Variants in HYKK observed in about 807,000 individuals in gnomAD.
The protein encoded by HYKK is hydroxylysine kinase, also known as 5-hydroxy-L-lysine kinase.
HYKK carries 19 observed loss-of-function variants against 29.7 expected under a neutral mutation model. The ratio of observed to expected loss-of-function variants is 0.64; its 90% CI spans 0.45 to 0.94. The LOEUF is 0.94. Among genes scored for constraint, HYKK ranks in the 40% least tolerant of loss-of-function variants. The pLI, the probability that HYKK is intolerant of heterozygous loss-of-function variation, is 0.00. For missense variants in HYKK, 390 were observed against 443.4 expected, an observed-to-expected ratio of 0.88 and a Z score of 1.08; for synonymous variants, 152 against 158.1, an observed-to-expected ratio of 0.96 and a Z score of 0.29.
At chr15:78,521,778 A>G (rs989597136) in intron 3 of HYKK, among the ~76,000 whole-genome samples, 2 of 152,138 alleles carry the variant, frequency 1.3e-5, no homozygotes, top group African/African-American at 4.8e-5. Context: ...CTGGGATATT[A>G]AGTGGTAGAG....
chr15:78,524,904 T>C (rs2141361174), intron 3 of HYKK, among the ~76,000 whole-genome samples: 1 of 152,146 alleles, frequency 6.6e-6, no homozygotes, highest in South Asian at 2.1e-4. Flanking sequence ...GCTAAACCAT[T>C]CATAAGAAAC....
chr15:78,516,343 C>CTTTTT (rs575124681), intron 3 of HYKK, among the ~76,000 whole-genome samples: 2 of 115,950 alleles, frequency 1.7e-5, no homozygotes, highest in African/African-American at 3.2e-5. Flanking sequence ...AAGGGTTGGT[C>CTTTTT]TTTTTTTTTT....
intron 3 of HYKK, chr15:78,518,698 A>T: frequency 9.7e-6 from 4 of 411,980 alleles, no homozygotes; most frequent in South Asian, 6.7e-5. Flanking sequence ...CAGGTGGATC[A>T]CCTGAAGTCA....
intron 3 of HYKK, 106 bp from the exon 4 acceptor site, chr15:78,527,272 TAA>T: frequency 1.1e-6 from 1 of 883,548 alleles, no homozygotes; most frequent in South Asian, 1.7e-5. Context: ...GGCGGCAGAG[TAA>T]GACTCTGTCT....
chr15:78,530,083 A>G (rs1409415346), intron 4 of HYKK, among the ~76,000 whole-genome samples: 1 of 151,850 alleles, frequency 6.6e-6, no homozygotes, highest in Admixed American at 6.6e-5. Context: ...CGATCCTCCC[A>G]CCTTAGCTTC....
At chr15:78,522,698 A>G (rs1360581176) in intron 3 of HYKK, among the ~76,000 whole-genome samples, 4 of 152,140 alleles carry the variant, frequency 2.6e-5, no homozygotes, top group Non-Finnish European at 4.4e-5. Context: ...CCAACATGAT[A>G]AAACCCTGTC....
intron 1 of HYKK, among the ~76,000 whole-genome samples, chr15:78,510,279 GT>G (rs2052060378): frequency 6.6e-6 from 1 of 151,990 alleles, no homozygotes; most frequent in Non-Finnish European, 1.5e-5. Flanking sequence ...ACCCCTCTGG[GT>G]TCCAGTGATT....
intron 1 of HYKK, among the ~76,000 whole-genome samples, chr15:78,510,991 A>T (rs2052068706): frequency 7.3e-6 from 1 of 136,148 alleles, no homozygotes. Context: ...TTTTAAATAG[A>T]GAAGCGGGTC....
At chr15:78,514,423 T>A (rs762285883) in intron 2 of HYKK, among the ~76,000 whole-genome samples, 1 of 152,182 alleles carries the variant, frequency 6.6e-6, no homozygotes, top group Admixed American at 6.5e-5. Context: ...ATCTTGATTG[T>A]CTTTTTCTCT....
At chr15:78,530,345 C>T (rs1034411558) in intron 4 of HYKK, among the ~76,000 whole-genome samples, 2 of 151,938 alleles carry the variant, frequency 1.3e-5, no homozygotes, top group South Asian at 2.1e-4. Flanking sequence ...TGGCCACAGG[C>T]GTGTGCCACC....
chr15:78,508,231 G>C (rs1176899275), intron 1 of HYKK, among the ~76,000 whole-genome samples: 2 of 152,178 alleles, frequency 1.3e-5, no homozygotes, highest in African/African-American at 2.4e-5. Flanking sequence ...ACTGCCCCGT[G>C]AGTCTGTGGA....
intron 4 of HYKK, among the ~76,000 whole-genome samples, chr15:78,532,713 C>A (rs1223038891): frequency 6.6e-6 from 1 of 152,124 alleles, no homozygotes; most frequent in Non-Finnish European, 1.5e-5. Context: ...AGGAGAATTG[C>A]TTGAACCCAG....
Position 78,536,198 on chromosome 15 carries a change from G to A in HYKK, c.*2528G>A, listed in dbSNP as rs1015964871. The stretch of plus-strand genomic sequence containing the variant: ...AGTAAAAATAATTTCCTCAAAGACA[G>A]CCAGGGCTTAAATCAGGCCTTTCTG... On this transcript the variant is annotated 3_prime_UTR_variant, in exon 5 of 5. Transcript: ENST00000388988. The A allele has an allele frequency of 1.3e-5, 2 of 152,018 alleles. No individual in the cohort carries two copies. Among genetic ancestry groups the A allele is most frequent in the African/African-American group, 4.8e-5 (2 of 41,354 alleles). The allele number at this position is 152,018 out of a possible 1,614,324, so 9.4% of individuals were successfully genotyped here.
intron 3 of HYKK, among the ~76,000 whole-genome samples, chr15:78,526,466 G>A (rs566256432): frequency 1.2e-4 from 19 of 152,326 alleles, no homozygotes; most frequent in African/African-American, 3.6e-4. Flanking sequence ...CAGAGAAGGC[G>A]TTTTTTGAGT....
Position 78,514,396 on chromosome 15 carries a change from T to C in HYKK, c.338-572T>C, listed in dbSNP as rs570181976. 6.6e-5 allele frequency among the ~76,000 whole-genome samples: 10 copies of C among 152,274 alleles called. No individual in the cohort carries two copies. In the South Asian group the frequency reaches 2.1e-3, roughly 32 times the overall value. On this transcript the variant is annotated intron_variant, in intron 2 of 4. Coordinates refer to ENST00000388988, the MANE Select transcript of HYKK (RefSeq NM_001013619.4). ...CAGGCTAAAACCAATTTCTTGAAAT[T>C]TTTTTAAAGGTTCGAAATCTTGATT...
At chr15:78,507,823 G>A (rs1198936373) in intron 1 of HYKK, among the ~76,000 whole-genome samples, 152 bp downstream of exon 1, 1 of 152,202 alleles carries the variant, frequency 6.6e-6, no homozygotes, top group African/African-American at 2.4e-5. Context: ...AGCTCGCTGC[G>A]TGCGTGATGG....
chr15:78,530,206 T>A (rs1325666629), intron 4 of HYKK, among the ~76,000 whole-genome samples: 1 of 24,722 alleles, frequency 4.0e-5, no homozygotes, highest in East Asian at 1.7e-3. Flanking sequence ...ATTTATTTTT[T>A]TTTTTTTTTT....
intron 3 of HYKK, among the ~76,000 whole-genome samples, chr15:78,525,537 G>A (rs773468713): frequency 2.5e-4 from 38 of 150,748 alleles, no homozygotes; most frequent in African/African-American, 3.9e-4. Flanking sequence ...TCACTCTGTC[G>A]CCCAGGCTGA....
In HYKK at chr15:78,533,382, G is replaced by A; in HGVS notation, c.834G>A (p.Lys278=). 1.2e-6 allele frequency: 2 copies of A among 1,614,202 alleles called. No individual in the cohort carries two copies. Among genetic ancestry groups the A allele is most frequent in the East Asian group, 2.2e-5 (1 of 44,882 alleles). The change falls in exon 5 of 5, where the codon AAG becomes AAA. Residue 278 remains lysine, a synonymous_variant. Coordinates refer to ENST00000388988, the MANE Select transcript of HYKK (RefSeq NM_001013619.4). The part of the protein sequence containing the change: ...ITIMYMMIES[K]SPIQVGGHVL... ...TCATGTACATGATGATTGAGAGCAA[G>A]AGTCCTATACAAGTAGGAGGCCATG... is the stretch of plus-strand genomic sequence containing the variant.
Sources: gnomAD v4.1 joint callset for allele counts (sites outside exome capture counted in the v4.1 genomes callset) on GRCh38, gnomAD v4.1.1 for gene constraint, MANE v1.5 for transcripts, NCBI Gene and HGNC (gene_info 2026-07-23, HGNC 2026-07-21) for gene names.